Variants in EEPD1 observed in about 807,000 individuals in gnomAD.
EEPD1 encodes the protein endonuclease/exonuclease/phosphatase family domain-containing protein 1.
A neutral mutation model predicts 46.3 loss-of-function variants in EEPD1; 17 were observed. The observed-to-expected ratio is 0.37, with a 90% CI of 0.25 to 0.55. The LOEUF (loss-of-function observed/expected upper bound fraction) is 0.55. EEPD1 is among the 20% of genes least tolerant of loss of function. The pLI is 0.83. For missense variants in EEPD1, 673 were observed against 745.6 expected (o/e 0.90, Z 1.13); for synonymous variants, 313 against 315.6 (o/e 0.99, Z 0.09).
At chr7:36,271,452 G>A (rs1175795396) in intron 3 of EEPD1, among the ~76,000 whole-genome samples, 2 of 151,944 alleles carry the variant, frequency 1.3e-5, no homozygotes, top group Non-Finnish European at 2.9e-5. Flanking sequence ...CTTTTTGATG[G>A]GGTTGTTTGG....
At chr7:36,191,452 G>C (rs991495060) in intron 2 of EEPD1, among the ~76,000 whole-genome samples, 10 of 152,324 alleles carry the variant, frequency 6.6e-5, no homozygotes, top group Admixed American at 2.0e-4. Flanking sequence ...GAGAGGGGCA[G>C]AGATGCTGTG....
At chr7:36,169,960 A>G (rs1160397238) in intron 2 of EEPD1, among the ~76,000 whole-genome samples, 1 of 152,256 alleles carries the variant, frequency 6.6e-6, no homozygotes, top group Non-Finnish European at 1.5e-5. Flanking sequence ...TAGAAATTTC[A>G]TCAAAATAAC....
At chr7:36,236,185 C>G (rs1229343564) in intron 2 of EEPD1, among the ~76,000 whole-genome samples, 2 of 152,248 alleles carry the variant, frequency 1.3e-5, no homozygotes, top group Non-Finnish European at 2.9e-5. Context: ...GGCGTCCGCT[C>G]TGGCCGCGCT....
At chr7:36,285,754 A>G (rs1787333957) in intron 5 of EEPD1, among the ~76,000 whole-genome samples, 1 of 152,074 alleles carries the variant, frequency 6.6e-6, no homozygotes, top group South Asian at 2.1e-4. Context: ...CCTGACAGTC[A>G]CCTCAAACCC....
At chr7:36,187,065 C>T (rs568249375) in intron 2 of EEPD1, among the ~76,000 whole-genome samples, 139 of 152,090 alleles carry the variant, frequency 9.1e-4, no homozygotes, top group African/African-American at 3.2e-3. Context: ...TTGCATTGGC[C>T]GTGGCTCTGT....
At chr7:36,284,607 C>A in intron 4 of EEPD1, 79 bp from the exon 5 acceptor site, 1 of 1,518,048 alleles carries the variant, frequency 6.6e-7, no homozygotes, top group South Asian at 1.2e-5. Context: ...GCCTCTCGGT[C>A]TCTCTGGCCT....
At chr7:36,220,894 G>A (rs1256507188) in intron 2 of EEPD1, among the ~76,000 whole-genome samples, 1 of 152,074 alleles carries the variant, frequency 6.6e-6, no homozygotes, top group African/African-American at 2.4e-5. Context: ...CCACCTCCTG[G>A]GTTCAAGTGA....
chr7:36,252,876 G>A (rs1246600900), intron 3 of EEPD1, among the ~76,000 whole-genome samples: 1 of 89,654 alleles, frequency 1.1e-5, no homozygotes, highest in Non-Finnish European at 2.1e-5. Context: ...TCTAGGTAAA[G>A]GTTTCTCAGT....
At position 36,299,272 on chromosome 7, in the gene EEPD1, G is replaced by T. The variant is rs1041478911; in HGVS notation, c.*66G>T. The T allele has an allele frequency of 2.3e-5, 36 of 1,544,024 alleles. No individual in the cohort carries two copies. The highest frequency in any genetic ancestry group is 3.2e-5 in the Non-Finnish European group (36 of 1,135,222). ...CACAGCCAAGGAATGAGCCCTGTGG[G>T]GTGACGCTTCAGGGCAGAGCTGCCT... is the stretch of plus-strand genomic sequence containing the variant. On this transcript the variant is annotated 3_prime_UTR_variant, in exon 8 of 8. Transcript: ENST00000242108.
chr7:36,186,354 A>G (rs1010438392), intron 2 of EEPD1, among the ~76,000 whole-genome samples: 2 of 152,180 alleles, frequency 1.3e-5, no homozygotes, highest in Non-Finnish European at 2.9e-5. Flanking sequence ...GCTTTGAGTC[A>G]GGGCCGCTCT....
intron 3 of EEPD1, among the ~76,000 whole-genome samples, chr7:36,277,669 C>T (rs548686676): frequency 6.6e-6 from 1 of 152,080 alleles, no homozygotes; most frequent in Non-Finnish European, 1.5e-5. Context: ...TTTTTTCAGT[C>T]CTAAAAATAG....
chr7:36,266,943 A>G (rs1787028922), intron 3 of EEPD1, among the ~76,000 whole-genome samples: 1 of 152,232 alleles, frequency 6.6e-6, no homozygotes, highest in African/African-American at 2.4e-5. Flanking sequence ...TCTTGCATGA[A>G]TATACCACAT....
At chr7:36,241,727 C>T (rs1400703366) in intron 3 of EEPD1, among the ~76,000 whole-genome samples, 2 of 151,306 alleles carry the variant, frequency 1.3e-5, no homozygotes, top group South Asian at 2.1e-4. Flanking sequence ...CTTAGCCAGG[C>T]GGTAGTGGCA....
At chr7:36,262,090 C>A (rs566904984) in intron 3 of EEPD1, among the ~76,000 whole-genome samples, 1 of 152,306 alleles carries the variant, frequency 6.6e-6, no homozygotes, top group Non-Finnish European at 1.5e-5. Flanking sequence ...TGGTTTCCCC[C>A]CACCCACAAA....
At chr7:36,216,912 T>C (rs943866045) in intron 2 of EEPD1, among the ~76,000 whole-genome samples, 10 of 152,264 alleles carry the variant, frequency 6.6e-5, no homozygotes, top group Non-Finnish European at 1.3e-4. Context: ...ACCTTAATGG[T>C]AATTCCTAGG....
At chr7:36,248,966 A>G (rs11762654) in intron 3 of EEPD1, among the ~76,000 whole-genome samples, 69,273 of 147,862 alleles carry the variant, frequency 0.47, 16,330 homozygotes, top group Non-Finnish European at 0.51. Flanking sequence ...ATTTTAGTTA[A>G]TTATGGGCTA....
At position 36,155,134 on chromosome 7, in the gene EEPD1, C is replaced by A; in HGVS notation, c.810C>A (p.Gly270=). The change falls in exon 2 of 8, where the codon GGC becomes GGA. Residue 270 remains glycine, a synonymous_variant. Transcript: ENST00000242108. ...GGCTGGCCACCTGGAACTTGCAGGG[C>A]TGTTCCGTGGAGAAGGCCAACAACC... The part of the protein sequence containing the change: ...VLRLATWNLQ[G]CSVEKANNPG... 1 of 1,540,818 alleles carries A rather than the reference C, an allele frequency of 6.5e-7. No individual in the cohort carries two copies. The highest frequency in any genetic ancestry group is 1.3e-5 in the South Asian group (1 of 78,530).
intron 2 of EEPD1, among the ~76,000 whole-genome samples, chr7:36,167,344 A>G (rs1302914916): frequency 6.6e-6 from 1 of 152,092 alleles, no homozygotes; most frequent in Non-Finnish European, 1.5e-5. Context: ...TTCTGGAGGG[A>G]TGACGATTTC....
intron 6 of EEPD1, among the ~76,000 whole-genome samples, chr7:36,295,262 CA>C (rs1018750691): frequency 6.6e-6 from 1 of 151,328 alleles, no homozygotes; most frequent in Non-Finnish European, 1.5e-5. Context: ...AACAAGCAAA[CA>C]AAAAAAACCT....
Sources: gnomAD v4.1 joint callset for allele counts (sites outside exome capture counted in the v4.1 genomes callset) on GRCh38, gnomAD v4.1.1 for gene constraint, MANE v1.5 for transcripts, NCBI Gene and HGNC (gene_info 2026-07-23, HGNC 2026-07-21) for gene names.